CLEC16A: variants seen among roughly 807,000 people sequenced by gnomAD.
CLEC16A encodes C-type lectin domain containing 16A.
Under a neutral mutation model 109.5 loss-of-function variants are expected in CLEC16A, and 51 were observed. The observed-to-expected ratio is 0.47, with a 90% CI of 0.37 to 0.59. CLEC16A has a LOEUF of 0.59. Ranked by LOEUF, CLEC16A falls within the 20% of genes least tolerant of loss-of-function variation. The pLI, the probability that CLEC16A is intolerant of heterozygous loss-of-function variation, is 0.00. For missense variants in CLEC16A, 1,339 were observed against 1,394.0 expected (o/e 0.96, Z 0.63); for synonymous variants, 673 against 564.2 (o/e 1.19, Z -2.73).
chr16:11,116,542 C>G (rs1367998173), intron 19 of CLEC16A, among the ~76,000 whole-genome samples: 2 of 152,118 alleles, frequency 1.3e-5, no homozygotes, highest in African/African-American at 4.8e-5. Context: ...AGAGGACCAA[C>G]TGGGTGACAT....
chr16:10,986,742 T>A (rs2043688097), intron 10 of CLEC16A, among the ~76,000 whole-genome samples: 1 of 101,192 alleles, frequency 9.9e-6, no homozygotes, highest in South Asian at 4.2e-4. Context: ...TGTGTGTGTG[T>A]GTGTGTGTGT....
chr16:11,029,336 A>G (rs1315081265), intron 13 of CLEC16A, among the ~76,000 whole-genome samples: 10 of 152,132 alleles, frequency 6.6e-5, no homozygotes, highest in Non-Finnish European at 4.4e-5. Flanking sequence ...CTTCATGTGC[A>G]TGCACAGACC....
chr16:11,049,295 C>T (rs549198367), intron 17 of CLEC16A, among the ~76,000 whole-genome samples: 3 of 152,218 alleles, frequency 2.0e-5, no homozygotes, highest in Middle Eastern at 3.4e-3. Context: ...CGTGAGCCAC[C>T]GCACCTGGCA....
intron 20 of CLEC16A, among the ~76,000 whole-genome samples, chr16:11,123,089 A>T (rs1277871271): frequency 6.6e-6 from 1 of 151,892 alleles, no homozygotes; most frequent in Non-Finnish European, 1.5e-5. Flanking sequence ...TTTTTAGTAC[A>T]GACTGGGTTT....
At chr16:11,038,243 T>G (rs1158502851) in intron 13 of CLEC16A, among the ~76,000 whole-genome samples, 1 of 152,178 alleles carries the variant, frequency 6.6e-6, no homozygotes, top group Non-Finnish European at 1.5e-5. Context: ...AATGCTATCT[T>G]CCACTATTTT....
At chr16:11,152,303 C>T (rs534139954) in intron 22 of CLEC16A, among the ~76,000 whole-genome samples, 1 of 152,366 alleles carries the variant, frequency 6.6e-6, no homozygotes, top group East Asian at 1.9e-4. Flanking sequence ...GCTGCTAGCA[C>T]ACCCACAAGA....
At chr16:10,996,553 T>G (rs1444814973) in intron 10 of CLEC16A, among the ~76,000 whole-genome samples, 1 of 152,198 alleles carries the variant, frequency 6.6e-6, no homozygotes, top group African/African-American at 2.4e-5. Context: ...CATCCAAGAC[T>G]TGTATCAGTC....
chr16:11,008,862 G>T (rs1461028385), intron 11 of CLEC16A, among the ~76,000 whole-genome samples: 1 of 151,250 alleles, frequency 6.6e-6, no homozygotes, highest in Non-Finnish European at 1.5e-5. Flanking sequence ...AGCCAGGCGT[G>T]GTGGCGGGCA....
At chr16:11,051,709 G>A in intron 18 of CLEC16A, 68 bp downstream of exon 18, 1 of 1,580,436 alleles carries the variant, frequency 6.3e-7, no homozygotes, top group South Asian at 1.1e-5. Context: ...GACCAGGGAG[G>A]AAAGGGCTTC....
chr16:11,003,261 C>T lies in CLEC16A; in HGVS notation c.1259C>T (p.Thr420Ile), dbSNP rs201741967. The change falls in exon 11 of 24, where the codon ACA (threonine) becomes ATA (isoleucine). Residue 420 changes from threonine (T) to isoleucine (I), a missense_variant. Around this residue, in one of 3 missense-constraint regions of CLEC16A, gnomAD observed 1,061 missense variants for 1,006.8 expected, o/e 1.05. Coordinates refer to ENST00000409790, the MANE Select transcript of CLEC16A (RefSeq NM_015226.3). The part of the protein sequence containing the change: ...AQEDAEKAKG[T>I]EGGSKGIKTS... ...GAAGACGCCGAGAAGGCTAAAGGTA[C>T]AGAGGGTGGTTCAAAAGGCATCAAG... is the stretch of plus-strand genomic sequence containing the variant. 1 of 1,612,704 alleles carries T rather than the reference C, an allele frequency of 6.2e-7. No individual in the cohort carries two copies. The highest frequency in any genetic ancestry group is 8.5e-7 in the Non-Finnish European group (1 of 1,179,730).
At position 11,042,370 on chromosome 16, in the gene CLEC16A, C is replaced by A. The variant is rs866976085; in HGVS notation, c.1770+7C>A. The A allele has an allele frequency of 1.9e-6, 3 of 1,561,274 alleles. No homozygotes were observed. In the Middle Eastern group the frequency reaches 5.9e-4, roughly 305 times the overall value. On this transcript the variant is annotated splice_region_variant and intron_variant, in intron 15 of 23. Coordinates refer to ENST00000409790, the MANE Select transcript of CLEC16A (RefSeq NM_015226.3). ...GCACCTGGCCTGCCTGGAGGTAACG[C>A]CCTCTCCGCTCCTCCTTCCTGTGGG... is the stretch of plus-strand genomic sequence containing the variant.
intron 2 of CLEC16A, among the ~76,000 whole-genome samples, chr16:10,960,308 C>A (rs1475678774): frequency 6.6e-6 from 1 of 152,204 alleles, no homozygotes; most frequent in African/African-American, 2.4e-5. Context: ...AGCCTCTGAT[C>A]TGTGACTCTT....
intron 1 of CLEC16A, among the ~76,000 whole-genome samples, chr16:10,951,173 T>C (rs1164394704): frequency 2.6e-5 from 4 of 152,314 alleles, no homozygotes; most frequent in South Asian, 2.1e-4. Context: ...TTACAGTTTC[T>C]CTTCTCCAGG....
chr16:10,978,327 G>A lies in CLEC16A; in HGVS notation c.903+928G>A, dbSNP rs111488859. The stretch of plus-strand genomic sequence containing the variant: ...GGGGAGGCCTCTGTGCAGTTCCTCC[G>A]GAGGTAAAAGGGCCTCAGCAGGAGG... On this transcript the variant is annotated intron_variant, in intron 8 of 23. Coordinates refer to ENST00000409790, the MANE Select transcript of CLEC16A (RefSeq NM_015226.3). 1.7e-3 allele frequency among the ~76,000 whole-genome samples: 252 copies of A among 152,322 alleles called. 3 individuals carry two copies. Among genetic ancestry groups the A allele is most frequent in the African/African-American group, 5.6e-3 (234 of 41,562 alleles).
intron 19 of CLEC16A, among the ~76,000 whole-genome samples, chr16:11,106,421 T>C (rs2051222601): frequency 2.0e-5 from 3 of 150,496 alleles, no homozygotes; most frequent in African/African-American, 7.3e-5. Context: ...CCGAAGCAGC[T>C]AGGATTACAG....
intron 22 of CLEC16A, among the ~76,000 whole-genome samples, chr16:11,165,053 T>C (rs1458305086): frequency 6.6e-6 from 1 of 152,068 alleles, no homozygotes. Context: ...CCACCGCAAT[T>C]TGGGGCTGCT....
intron 19 of CLEC16A, among the ~76,000 whole-genome samples, chr16:11,106,671 A>T (rs2051242100): frequency 1.3e-5 from 2 of 151,008 alleles, no homozygotes; most frequent in African/African-American, 4.9e-5. Flanking sequence ...TTTTTTTAAG[A>T]TACTTTTCCT....
At chr16:11,076,131 C>T (rs1475941925) in intron 19 of CLEC16A, among the ~76,000 whole-genome samples, 1 of 152,116 alleles carries the variant, frequency 6.6e-6, no homozygotes, top group Non-Finnish European at 1.5e-5. Flanking sequence ...CTTTCCACAC[C>T]AACAGCCAGT....
In CLEC16A at chr16:10,944,672, G is replaced by C. The variant is rs757543836; in HGVS notation, c.-46G>C. ...CCGCGGGCGCTGGGCCGCTCTGCTG[G>C]TCCGGCATGAGACCGTGAGACGAGA... is the stretch of plus-strand genomic sequence containing the variant. On this transcript the variant is annotated 5_prime_UTR_variant, in exon 1 of 24. Coordinates refer to ENST00000409790, the MANE Select transcript of CLEC16A (RefSeq NM_015226.3). The C allele has an allele frequency of 4.5e-6, 7 of 1,558,470 alleles. No homozygotes were observed. The South Asian group carries it at 8.1e-5, about 18-fold the overall frequency.
Sources: gnomAD v4.1 joint callset for allele counts (sites outside exome capture counted in the v4.1 genomes callset) on GRCh38, gnomAD v4.1.1 for gene constraint, gnomAD v4.1.1 regional missense constraint, MANE v1.5 for transcripts, NCBI Gene and HGNC (gene_info 2026-07-23, HGNC 2026-07-21) for gene names.